Variants in BRINP3 observed in about 807,000 individuals in gnomAD.
BRINP3 encodes BMP/retinoic acid-inducible neural-specific protein 3.
Under a neutral mutation model 71.0 loss-of-function variants are expected in BRINP3, and 19 were observed. The ratio of observed to expected loss-of-function variants is 0.27; its 90% CI spans 0.19 to 0.39. The LOEUF (loss-of-function observed/expected upper bound fraction) is 0.39, where lower values mean the gene tolerates loss of function less well. Ranked by LOEUF, BRINP3 falls within the 10% of genes least tolerant of loss-of-function variation. The pLI is 1.00. For missense variants in BRINP3, 959 were observed against 940.8 expected (o/e 1.02, Z -0.25); for synonymous variants, 380 against 337.7 (o/e 1.13, Z -1.37).
At chr1:190,121,390 A>AAGAC (rs1653641434) in intron 7 of BRINP3, among the ~76,000 whole-genome samples, 1 of 152,228 alleles carries the variant, frequency 6.6e-6, no homozygotes, top group Admixed American at 6.5e-5. Flanking sequence ...TAATTGTACA[A>AAGAC]TTAAGAAAAA....
chr1:190,224,466 T>C (rs748445678), intron 6 of BRINP3, among the ~76,000 whole-genome samples: 16 of 151,786 alleles, frequency 1.1e-4, no homozygotes, highest in Non-Finnish European at 2.4e-4. Context: ...TCTCTCACCA[T>C]ACACAAAAAT....
chr1:190,476,965 G>A (rs184704205), intron 1 of BRINP3, among the ~76,000 whole-genome samples: 1 of 152,286 alleles, frequency 6.6e-6, no homozygotes, highest in Non-Finnish European at 1.5e-5. Context: ...TTGCAACAAA[G>A]TCTTCCTTCA....
At chr1:190,338,966 C>T (rs1204138664) in intron 2 of BRINP3, among the ~76,000 whole-genome samples, 1 of 151,160 alleles carries the variant, frequency 6.6e-6, no homozygotes. Flanking sequence ...AGAAAGTTTG[C>T]TTTTCCCCCA....
chr1:190,396,487 G>C (rs1671574949), intron 2 of BRINP3, among the ~76,000 whole-genome samples: 1 of 150,834 alleles, frequency 6.6e-6, no homozygotes, highest in African/African-American at 2.4e-5. Context: ...CAAAAACTAG[G>C]AATCTATTGA....
intron 2 of BRINP3, among the ~76,000 whole-genome samples, chr1:190,412,446 G>T (rs1322098046): frequency 7.9e-5 from 10 of 126,094 alleles, no homozygotes; most frequent in South Asian, 2.6e-4. Context: ...TACTTTTTTT[G>T]TTTTGTTTTG....
At chr1:190,280,881 T>C (rs373349119) in intron 3 of BRINP3, among the ~76,000 whole-genome samples, 129 of 152,094 alleles carry the variant, frequency 8.5e-4, no homozygotes, top group African/African-American at 2.9e-3. Flanking sequence ...AAATGTCATA[T>C]GTTGCTTATT....
intron 4 of BRINP3, among the ~76,000 whole-genome samples, chr1:190,236,485 T>C (rs1316700488): frequency 1.3e-5 from 2 of 152,010 alleles, no homozygotes; most frequent in East Asian, 1.9e-4. Context: ...GTGTGTTTAA[T>C]TTGTGTCATG....
At chr1:190,308,988 G>T (rs1665325164) in intron 2 of BRINP3, among the ~76,000 whole-genome samples, 1 of 151,820 alleles carries the variant, frequency 6.6e-6, no homozygotes, top group African/African-American at 2.4e-5. Context: ...ATAAATATTT[G>T]TATACCCATG....
intron 2 of BRINP3, among the ~76,000 whole-genome samples, chr1:190,345,635 C>T (rs932802883): frequency 6.8e-6 from 1 of 147,996 alleles, no homozygotes; most frequent in African/African-American, 2.5e-5. Flanking sequence ...ATTGCTAAAA[C>T]TAGCTAGCCT....
intron 2 of BRINP3, among the ~76,000 whole-genome samples, chr1:190,309,255 T>C (rs1261322292): frequency 3.3e-5 from 5 of 151,668 alleles, no homozygotes; most frequent in African/African-American, 9.7e-5. Context: ...TACCCCAAAA[T>C]TTGAGAGACA....
At chr1:190,400,578 C>T (rs1671857275) in intron 2 of BRINP3, among the ~76,000 whole-genome samples, 1 of 152,150 alleles carries the variant, frequency 6.6e-6, no homozygotes, top group Non-Finnish European at 1.5e-5. Flanking sequence ...TGATTGGTTA[C>T]ATCTGTTTTC....
chr1:190,472,704 G>C (rs1203602571), intron 1 of BRINP3, among the ~76,000 whole-genome samples: 1 of 151,594 alleles, frequency 6.6e-6, no homozygotes, highest in Non-Finnish European at 1.5e-5. Context: ...CCCAACAGTT[G>C]CATTCTTTGT....
At chr1:190,130,177 T>A (rs1401176109) in intron 7 of BRINP3, among the ~76,000 whole-genome samples, 1 of 151,994 alleles carries the variant, frequency 6.6e-6, no homozygotes, top group Admixed American at 6.6e-5. Flanking sequence ...CCCAAATCTT[T>A]GAGCTGTTTG....
At chr1:190,186,842 C>A (rs1365060155) in intron 6 of BRINP3, among the ~76,000 whole-genome samples, 1 of 151,952 alleles carries the variant, frequency 6.6e-6, no homozygotes, top group Non-Finnish European at 1.5e-5. Flanking sequence ...TAAGAAAAAT[C>A]ATATTCTCCC....
intron 4 of BRINP3, among the ~76,000 whole-genome samples, chr1:190,255,748 T>C (rs1432808217): frequency 1.6e-5 from 2 of 126,834 alleles, no homozygotes; most frequent in African/African-American, 5.1e-5. Context: ...GATTGATTGA[T>C]TTTTTGAAGG....
intron 1 of BRINP3, among the ~76,000 whole-genome samples, chr1:190,458,829 C>A (rs942189862): frequency 6.6e-6 from 1 of 151,588 alleles, no homozygotes; most frequent in Admixed American, 6.6e-5. Context: ...GCAAAATAGT[C>A]CAGAATTTAA....
At chr1:190,169,554 G>A (rs1024846039) in intron 6 of BRINP3, among the ~76,000 whole-genome samples, 2 of 152,138 alleles carry the variant, frequency 1.3e-5, no homozygotes, top group African/African-American at 2.4e-5. Context: ...GTTCTTACAA[G>A]AATGCTGACT....
chr1:190,199,779 AAAAAAC>A (rs1482226988), intron 6 of BRINP3, among the ~76,000 whole-genome samples: 4 of 150,538 alleles, frequency 2.7e-5, no homozygotes, highest in Admixed American at 6.6e-5. Context: ...AGGAAAAAAA[AAAAAAC>A]AAAAACAAAA....
At chr1:190,292,432 T>C (rs931670381) in intron 2 of BRINP3, among the ~76,000 whole-genome samples, 3 of 152,104 alleles carry the variant, frequency 2.0e-5, no homozygotes, top group African/African-American at 7.2e-5. Context: ...GGCTGGAAGA[T>C]TGCTTGGGCC....
Sources: gnomAD v4.1 joint callset for allele counts (sites outside exome capture counted in the v4.1 genomes callset) on GRCh38, gnomAD v4.1.1 for gene constraint, MANE v1.5 for transcripts, NCBI Gene and HGNC (gene_info 2026-07-23, HGNC 2026-07-21) for gene names.